Variants in HIVEP1 observed in about 807,000 individuals in gnomAD.
The protein encoded by HIVEP1 is HIVEP zinc finger 1.
HIVEP1 carries 36 observed loss-of-function variants against 180.0 expected under a neutral mutation model. The ratio of observed to expected loss-of-function variants is 0.20; its 90% CI spans 0.15 to 0.26. HIVEP1 has a LOEUF of 0.26. Ranked by LOEUF, HIVEP1 falls within the 10% of genes least tolerant of loss-of-function variation. The pLI is 1.00. For synonymous variants in HIVEP1, 1,239 were observed against 1,239.0 expected (o/e 1.00, Z 0.00); for missense variants, 3,143 against 3,268.7 (o/e 0.96, Z 0.94).
intron 4 of HIVEP1, among the ~76,000 whole-genome samples, chr6:12,126,742 T>A (rs1233793296): frequency 6.6e-6 from 1 of 152,226 alleles, no homozygotes; most frequent in Non-Finnish European, 1.5e-5. Context: ...AGGAAGTTTC[T>A]AACATTACTG....
At chr6:12,144,848 G>A (rs147106971) in intron 7 of HIVEP1, among the ~76,000 whole-genome samples, 2 of 152,288 alleles carry the variant, frequency 1.3e-5, no homozygotes, top group South Asian at 2.1e-4. Context: ...TTAGAATGGC[G>A]ATCATTAAAA....
chr6:12,014,936 C>T (rs1414862878), intron 1 of HIVEP1, among the ~76,000 whole-genome samples: 1 of 152,186 alleles, frequency 6.6e-6, no homozygotes, highest in East Asian at 1.9e-4. Flanking sequence ...GATCCCATGG[C>T]AGAGAGAGAA....
chr6:12,164,233 C>A lies in HIVEP1; in HGVS notation c.7929C>A (p.His2643Gln). Residue 2643 changes from histidine to glutamine, a missense_variant, in exon 9 of 9, where the codon CAC (histidine) becomes CAA (glutamine). His to Gln is a conservative substitution (Grantham distance 24). Transcript: ENST00000379388. ...CAGAGAAGGCTGCCTCGGCAAATCACGTGAAGCCCAAGCCTGAACTCACTT... is the reference window on the plus strand; with the variant it reads ...CAGAGAAGGCTGCCTCGGCAAATCAAGTGAAGCCCAAGCCTGAACTCACTT... ...MDTEKAASAN[H>Q]VKPKPELTSI... 1 of 1,614,124 alleles carries A rather than the reference C, an allele frequency of 6.2e-7. No individual in the cohort carries two copies. The highest frequency in any genetic ancestry group is 8.5e-7 in the Non-Finnish European group (1 of 1,180,010).
At chr6:12,114,534 A>G (rs1443665122) in intron 3 of HIVEP1, among the ~76,000 whole-genome samples, 2 of 151,880 alleles carry the variant, frequency 1.3e-5, no homozygotes, top group African/African-American at 2.4e-5. Context: ...TTGGCTTATC[A>G]TTTATGTCCT....
intron 2 of HIVEP1, among the ~76,000 whole-genome samples, chr6:12,016,324 G>T (rs989499713): frequency 3.9e-5 from 6 of 152,222 alleles, no homozygotes; most frequent in Admixed American, 3.3e-4. Flanking sequence ...TATTGTTCTC[G>T]TGTTATATCA....
At chr6:12,187,593 CTTTTTTTTT>C in the HIVEP1 span, among the ~76,000 whole-genome samples, 1 of 139,926 alleles carries the variant, frequency 7.1e-6, no homozygotes, top group Non-Finnish European at 1.5e-5. Context: ...CCAAATAAAT[CTTTTTTTTT>C]TTTTTTTTTA....
At chr6:12,085,179 A>T (rs540015905) in intron 2 of HIVEP1, among the ~76,000 whole-genome samples, 19 of 152,210 alleles carry the variant, frequency 1.2e-4, no homozygotes, top group Middle Eastern at 3.4e-3. Context: ...GCAGCTCTAG[A>T]GAAACAGGGT....
intron 7 of HIVEP1, among the ~76,000 whole-genome samples, chr6:12,139,008 C>T (rs1758852646): frequency 6.6e-6 from 1 of 151,964 alleles, no homozygotes; most frequent in Non-Finnish European, 1.5e-5. Context: ...CAGCCACATC[C>T]TCTCTACTAA....
chr6:12,144,480 C>T (rs1164762519), intron 7 of HIVEP1, among the ~76,000 whole-genome samples: 1 of 152,184 alleles, frequency 6.6e-6, no homozygotes, highest in African/African-American at 2.4e-5. Context: ...GCAAGGACTT[C>T]ATGTCTAAAA....
intron 3 of HIVEP1, among the ~76,000 whole-genome samples, chr6:12,100,117 G>C (rs981224551): frequency 2.6e-5 from 4 of 152,202 alleles, no homozygotes; most frequent in African/African-American, 9.7e-5. Flanking sequence ...CAGATTTCTG[G>C]TGTTAACACT....
chr6:12,164,405 C>T lies in HIVEP1; in HGVS notation c.8101C>T (p.His2701Tyr), dbSNP rs761528114. 1.2e-6 allele frequency: 2 copies of T among 1,613,984 alleles called. No individual in the cohort carries two copies. The highest frequency in any genetic ancestry group is 1.7e-6 in the Non-Finnish European group (2 of 1,180,012). The change falls in exon 9 of 9, where the codon CAC becomes TAC. Residue 2701 changes from histidine (H) to tyrosine (Y), a missense_variant. His to Tyr is a moderately conservative substitution (Grantham distance 83). This residue lies in a region of HIVEP1 where 595 missense variants were observed against 602.2 expected (regional missense o/e 0.99). Transcript: ENST00000379388. ...TALPRRQPTV[H>Y]FSDVSSDDDE... is the part of the protein sequence containing the mutation. ...ACTACCGCGGAGGCAGCCCACTGTG[C>T]ACTTCAGCGACGTGAGCAGCGATGA...
chr6:12,109,239 C>G (rs1231532055), intron 3 of HIVEP1, among the ~76,000 whole-genome samples: 1 of 152,102 alleles, frequency 6.6e-6, no homozygotes, highest in South Asian at 2.1e-4. Flanking sequence ...GTGTTCCGCC[C>G]GCCTCAGCCT....
intron 3 of HIVEP1, among the ~76,000 whole-genome samples, chr6:12,096,568 A>G (rs116208077): frequency 0.043 from 6,485 of 151,912 alleles, 218 homozygotes; most frequent in Admixed American, 0.11. Context: ...AAAAAAATAT[A>G]ATAATATTTT....
Position 12,038,749 on chromosome 6 carries a change from A to C in HIVEP1, c.40+23081A>C, listed in dbSNP as rs144636972. 250 of 152,558 alleles carry C rather than the reference A, an allele frequency of 1.6e-3. 2 individuals carry two copies. The highest frequency in any genetic ancestry group is 0.01 in the South Asian group (49 of 4,838). 9.5% of individuals were successfully genotyped at this position (152,558 alleles called of 1,614,324 possible). A position where few individuals can be genotyped will look rare whatever the true frequency, so the allele number is the denominator to read the frequency against. On this transcript the variant is annotated intron_variant, in intron 2 of 8. Transcript: ENST00000379388. Reference sequence around the variant, plus strand: ...AGAACCACCACCACCACCACCAACAACAACAACAAAGAATCATTCTCCATT... The same window carrying C: ...AGAACCACCACCACCACCACCAACACCAACAACAAAGAATCATTCTCCATT...
the HIVEP1 span, among the ~76,000 whole-genome samples, chr6:12,173,169 T>C: frequency 2.6e-5 from 4 of 152,156 alleles, no homozygotes; most frequent in African/African-American, 9.7e-5. Flanking sequence ...CTTTGTTACA[T>C]GTCTTATGAG....
chr6:12,205,518 C>T, the HIVEP1 span, among the ~76,000 whole-genome samples: 1 of 151,974 alleles, frequency 6.6e-6, no homozygotes, highest in Non-Finnish European at 1.5e-5. Context: ...TGATCTACTG[C>T]ACGGTACAGT....
intron 2 of HIVEP1, among the ~76,000 whole-genome samples, chr6:12,056,144 G>A (rs1295799958): frequency 6.6e-6 from 1 of 152,046 alleles, no homozygotes; most frequent in Non-Finnish European, 1.5e-5. Flanking sequence ...ATGAAGAAGC[G>A]GAAGTGAAGA....
chr6:12,156,758 C>T (rs73722705), intron 7 of HIVEP1, among the ~76,000 whole-genome samples: 87 of 152,244 alleles, frequency 5.7e-4, no homozygotes, highest in African/African-American at 2.0e-3. Context: ...TATTTTGTAG[C>T]TCAGAATATG....
At chr6:12,195,296 T>C in the HIVEP1 span, among the ~76,000 whole-genome samples, 27 of 152,178 alleles carry the variant, frequency 1.8e-4, no homozygotes, top group Non-Finnish European at 2.6e-4. Flanking sequence ...TTTCCTGGTA[T>C]AGAGTAAGTG....
Sources: allele counts gnomAD v4.1 joint callset (sites outside exome capture counted in the v4.1 genomes callset), GRCh38; gene constraint gnomAD v4.1.1; regional missense constraint gnomAD v4.1.1; transcripts MANE v1.5; gene names NCBI Gene and HGNC (gene_info 2026-07-23, HGNC 2026-07-21).